Variants in CPNE6 observed in about 807,000 individuals in gnomAD.
CPNE6 encodes copine-6.
Under a neutral mutation model 71.5 loss-of-function variants are expected in CPNE6, and 33 were observed. The observed-to-expected ratio is 0.46, with a 90% confidence interval of 0.35 to 0.62. The LOEUF is 0.62. Among genes scored for constraint, CPNE6 ranks in the 20% least tolerant of loss-of-function variants. The probability of loss-of-function intolerance (pLI) is 0.00; values close to 1 mark genes in which losing one functional copy is unlikely to be tolerated. For missense variants in CPNE6, 576 were observed against 747.3 expected (o/e 0.77, Z 2.67); for synonymous variants, 296 against 293.0 (o/e 1.01, Z -0.10).
rs371553770 is a variant in CPNE6 at position 24,077,012 on chromosome 14, G to A, written c.1299G>A (p.Thr433=). 5 of 1,609,690 alleles carry A rather than the reference G, an allele frequency of 3.1e-6. No individual in the cohort carries two copies. The highest frequency in any genetic ancestry group is 2.5e-6 in the Non-Finnish European group (3 of 1,179,990). The change falls in exon 15 of 18, where the codon ACG becomes ACA. Residue 433 remains threonine, a splice_region_variant and synonymous_variant. Transcript: ENST00000397016. This position sits in a 1 kb window ranked among gnomAD's most constrained non-coding sequence, Gnocchi z 6.1. ...GGGAGCAGAGCACCGGCCAAGCCAC[G>A]GTAGGAAGACATGGCGGGCAAACAG... is the stretch of plus-strand genomic sequence containing the variant.
chr14:24,075,132 C>G lies in CPNE6; in HGVS notation c.673-40C>G. The G allele has an allele frequency of 7.0e-7, 1 of 1,434,716 alleles. No individual in the cohort carries two copies. The highest frequency in any genetic ancestry group is 9.8e-7 in the Non-Finnish European group (1 of 1,016,360). 88.9% of individuals were successfully genotyped at this position (1,434,716 alleles called of 1,614,324 possible). ...CCTACTCACCGTGAATACCGCAGAG[C>G]ATCTCCAACCTGACCCCACCCCTCC... On this transcript the variant is annotated intron_variant, in intron 8 of 17. Coordinates refer to ENST00000397016, the Ensembl canonical transcript of CPNE6. The surrounding 1 kb of genome is among the most constrained non-coding windows in gnomAD (Gnocchi z 4.3).
chr14:24,074,818 A>G lies in CPNE6; in HGVS notation c.672+23A>G. 1 of 1,601,440 alleles carries G rather than the reference A, an allele frequency of 6.2e-7. No individual in the cohort carries two copies. Among genetic ancestry groups the G allele is most frequent in the African/African-American group, 1.3e-5 (1 of 74,712 alleles). The stretch of plus-strand genomic sequence containing the variant: ...AAGGTGAAGTCCCAGCCAAGCCAGC[A>G]CAGCCTACTTAGAGCAACCAATCTG... On this transcript the variant is annotated intron_variant, in intron 8 of 17. Transcript: ENST00000397016. This position sits in a 1 kb window ranked among gnomAD's most constrained non-coding sequence, Gnocchi z 4.5.
chr14:24,075,561 C>T lies in CPNE6; in HGVS notation c.834C>T (p.Ser278=), dbSNP rs1368233390. ...GGGACAAGAAGAAGAATTACAAGAG[C>T]TCAGGGACGGTAGTGCTGGCCCAGT... The change falls in exon 10 of 18, where the codon AGC becomes AGT. Residue 278 remains serine, a synonymous_variant. Coordinates refer to ENST00000397016, the Ensembl canonical transcript of CPNE6. This position sits in a 1 kb window ranked among gnomAD's most constrained non-coding sequence, Gnocchi z 4.3. 1.2e-6 allele frequency: 2 copies of T among 1,612,494 alleles called. No homozygotes were observed. Among genetic ancestry groups the T allele is most frequent in the South Asian group, 2.2e-5 (2 of 90,666 alleles).
Position 24,075,738 on chromosome 14 carries a change from TC to T in CPNE6, c.865-84del. 2.1e-6 allele frequency: 3 copies of T among 1,408,016 alleles called. No individual in the cohort carries two copies. Among genetic ancestry groups the T allele is most frequent in the Non-Finnish European group, 3.0e-6 (3 of 1,002,506 alleles). 87.2% of individuals were successfully genotyped at this position (1,408,016 alleles called of 1,614,324 possible). On this transcript the variant is annotated intron_variant, in intron 10 of 17. Coordinates refer to ENST00000397016, the Ensembl canonical transcript of CPNE6. The surrounding 1 kb of genome is among the most constrained non-coding windows in gnomAD (Gnocchi z 4.3). ...CAACTGCAACCCAAAAAACTCTGGC[TC>T]CCCCATGTTCCCCACAGAAGCCCTA...
At position 24,075,058 on chromosome 14, in the gene CPNE6, C is replaced by A; in HGVS notation, c.673-114C>A. 1 of 827,440 alleles carries A rather than the reference C, an allele frequency of 1.2e-6. No homozygotes were observed. The highest frequency in any genetic ancestry group is 2.1e-6 in the Non-Finnish European group (1 of 479,234). The allele number at this position is 827,440 out of a possible 1,614,324, so 51.3% of individuals were successfully genotyped here. A position where few individuals can be genotyped will look rare whatever the true frequency, so the allele number is the denominator to read the frequency against. ...GGCAGGCTGAGGATGTCTGTTTGGG[C>A]ATGGAGACTCTAAGGCCCAAGTCCC... On this transcript the variant is annotated intron_variant, in intron 8 of 17. Transcript: ENST00000397016. This position sits in a 1 kb window ranked among gnomAD's most constrained non-coding sequence, Gnocchi z 4.3.
In CPNE6 at chr14:24,077,597, C is replaced by T. The variant is rs764762191; in HGVS notation, c.1541C>T (p.Ala514Val). ...ACATCACTGTCCCCACCCTAGGCTG[C>T]CCCCTCTGCACTCGCCAAGTGTGTC... is the stretch of plus-strand genomic sequence containing the variant. Residue 514 changes from alanine (A) to valine (V), a missense_variant, in exon 17 of 18, where the codon GCC becomes GTC. By Grantham distance (64) the Ala-to-Val change is moderately conservative. Around this residue, in one of 4 missense-constraint regions of CPNE6, gnomAD observed 264 missense variants for 339.9 expected, o/e 0.78. Coordinates refer to ENST00000397016, the Ensembl canonical transcript of CPNE6. The surrounding 1 kb of genome is among the most constrained non-coding windows in gnomAD (Gnocchi z 6.1). 14 of 1,580,124 alleles carry T rather than the reference C, an allele frequency of 8.9e-6. No homozygotes were observed. Among genetic ancestry groups the T allele is most frequent in the African/African-American group, 2.7e-5 (2 of 74,286 alleles).
chr14:24,073,524 C>A lies in CPNE6; in HGVS notation c.194C>A (p.Ser65Tyr). Residue 65 changes from serine (S) to tyrosine (Y), a missense_variant, in exon 4 of 18, where the codon TCC becomes TAC. Around this residue, in one of 4 missense-constraint regions of CPNE6, gnomAD observed 214 missense variants for 291.2 expected, o/e 0.73. Coordinates refer to ENST00000397016, the Ensembl canonical transcript of CPNE6. The surrounding 1 kb of genome is among the most constrained non-coding windows in gnomAD (Gnocchi z 5.5). ...GTAGAGCGCACAGAGGTGCTTCGCT[C>A]CTGTTCCAGCCCTGTCTTCTCCCGG... 6.2e-7 allele frequency: 1 copy of A among 1,613,800 alleles called. No individual in the cohort carries two copies. Among genetic ancestry groups the A allele is most frequent in the Non-Finnish European group, 8.5e-7 (1 of 1,179,996 alleles).
intron 2 of CPNE6, chr14:24,071,845 C>T: frequency 1.8e-6 from 1 of 545,514 alleles, no homozygotes; most frequent in Non-Finnish European, 3.2e-6. Context: ...CAGCCCAGAC[C>T]CTCCCTCACA....
exon 1 of CPNE6, chr14:24,071,000 C>T (rs746540844): frequency 1.1e-5 from 17 of 1,535,442 alleles, no homozygotes; most frequent in African/African-American, 2.7e-5. Context: ...TTAAGGAGCA[C>T]GGGAAGATCA....
rs867990196 is a variant in CPNE6 at position 24,071,483 on chromosome 14, G to C, written c.-119-44G>C. On this transcript the variant is annotated intron_variant, in intron 1 of 17. Transcript: ENST00000397016. ...CTTCTCCCTCCCAATCCATCCACGC[G>C]GGGGGAGCTGGTGCTGCGCCCCCCC... is the stretch of plus-strand genomic sequence containing the variant. The C allele has an allele frequency of 1.6e-5, 24 of 1,524,920 alleles. No individual in the cohort carries two copies. In the East Asian group the frequency reaches 4.4e-4, roughly 28 times the overall value. 94.5% of individuals were successfully genotyped at this position (1,524,920 alleles called of 1,614,324 possible). A position where few individuals can be genotyped will look rare whatever the true frequency, so the allele number is the denominator to read the frequency against.
chr14:24,077,867 G>GC lies in CPNE6; in HGVS notation c.*38-21_*38-20insC. 8 of 953,014 alleles carry GC rather than the reference G, an allele frequency of 8.4e-6. No individual in the cohort carries two copies. The highest frequency in any genetic ancestry group is 1.7e-5 in the African/African-American group (1 of 60,274). 59.0% of individuals were successfully genotyped at this position (953,014 alleles called of 1,614,324 possible). A position where few individuals can be genotyped will look rare whatever the true frequency, so the allele number is the denominator to read the frequency against. ...GTGTAGTGTAGAAGAGAGTGCTTATGACTCTCCCACCCCCTCCCAGGTGCC... is the reference window on the plus strand; with the variant it reads ...GTGTAGTGTAGAAGAGAGTGCTTATGCACTCTCCCACCCCCTCCCAGGTGCC... On this transcript the variant is annotated intron_variant, in intron 17 of 17. Transcript: ENST00000397016. This position sits in a 1 kb window ranked among gnomAD's most constrained non-coding sequence, Gnocchi z 6.1.
rs2035973613 is a variant in CPNE6 at position 24,073,715 on chromosome 14, C to T, written c.348+37C>T. On this transcript the variant is annotated intron_variant, in intron 4 of 17. Transcript: ENST00000397016. The surrounding 1 kb of genome is among the most constrained non-coding windows in gnomAD (Gnocchi z 5.5). ...CGGCCTCCCCGGCTACCCTACCCTA[C>T]CTCCATCAGCTTTGCCTCTGGAAGC... 3.2e-6 allele frequency: 5 copies of T among 1,580,658 alleles called. No individual in the cohort carries two copies. The highest frequency in any genetic ancestry group is 4.3e-6 in the Non-Finnish European group (5 of 1,163,818).
rs142045827 is a variant in CPNE6 at position 24,071,246 on chromosome 14, G to A, written c.-120+218G>A. On this transcript the variant is annotated intron_variant, in intron 1 of 17. Coordinates refer to ENST00000397016, the Ensembl canonical transcript of CPNE6. ...AGATATGTGTGAGCCTGTGAGTCGT[G>A]GGTGCATGTGTCGCCATCATTTCTC... is the stretch of plus-strand genomic sequence containing the variant. 499 of 1,099,736 alleles carry A rather than the reference G, an allele frequency of 4.5e-4. 1 individual carries two copies. The African/African-American group carries it at 6.6e-3, about 15-fold the overall frequency. The allele number at this position is 1,099,736 out of a possible 1,614,324, so 68.1% of individuals were successfully genotyped here.
intron 14 of CPNE6, 119 bp from the exon 14 acceptor site, chr14:24,076,760 A>C: frequency 1.3e-6 from 2 of 1,533,358 alleles, no homozygotes; most frequent in Non-Finnish European, 1.8e-6. Context: ...CCCACTGCTT[A>C]ATGAAGGAAC....
At chr14:24,071,488 G>A (rs1266607013) in intron 1 of CPNE6, 74 bp from the exon 1 acceptor site, 3 of 1,529,316 alleles carry the variant, frequency 2.0e-6, no homozygotes, top group Non-Finnish European at 2.6e-6. Context: ...CACGCGGGGG[G>A]AGCTGGTGCT....
In CPNE6 at chr14:24,077,306, C is replaced by T. The variant is rs200457089; in HGVS notation, c.1452C>T (p.Gly484=). 71 of 1,613,868 alleles carry T rather than the reference C, an allele frequency of 4.4e-5. No individual in the cohort carries two copies. Among genetic ancestry groups the T allele is most frequent in the Middle Eastern group, 1.6e-4 (1 of 6,062 alleles). Residue 484 remains glycine (G), a synonymous_variant, in exon 16 of 18, where the codon GGC becomes GGT. Transcript: ENST00000397016. This position sits in a 1 kb window ranked among gnomAD's most constrained non-coding sequence, Gnocchi z 6.1. ...TCTCTGACATGCGGCTGCTGGATGG[C>T]GACGACGGCCCCTTGCGCTGCCCCC...
In CPNE6 at chr14:24,074,472, TC is replaced by T; in HGVS notation, c.499-54del. ...CTGCTCTCTTCCCAGTGGGAGCCCA[TC>T]CCCCACCCTCCTTGCAGCTCTCACC... On this transcript the variant is annotated intron_variant, in intron 6 of 17. Transcript: ENST00000397016. This position sits in a 1 kb window ranked among gnomAD's most constrained non-coding sequence, Gnocchi z 4.5. The T allele has an allele frequency of 1.3e-6, 2 of 1,579,140 alleles. No homozygotes were observed. Among genetic ancestry groups the T allele is most frequent in the South Asian group, 2.2e-5 (2 of 90,020 alleles).
In CPNE6 at chr14:24,073,845, C is replaced by T. The variant is rs1446392763; in HGVS notation, c.348+167C>T. Among the ~76,000 whole-genome samples the T allele has an allele frequency of 6.6e-6, 1 of 152,232 alleles. No homozygotes were observed. The highest frequency in any genetic ancestry group is 1.5e-5 in the Non-Finnish European group (1 of 68,040). ...GCCTCAGGAAAGATACTTAACCTCT[C>T]TGAGTCTTAGTTTTCCTATCTAAAA... On this transcript the variant is annotated intron_variant, in intron 4 of 17. Coordinates refer to ENST00000397016, the Ensembl canonical transcript of CPNE6. This position sits in a 1 kb window ranked among gnomAD's most constrained non-coding sequence, Gnocchi z 5.5.
chr14:24,072,847 T>C, intron 2 of CPNE6, 86 bp from the exon 2 acceptor site: 1 of 1,249,660 alleles, frequency 8.0e-7, no homozygotes, highest in Non-Finnish European at 1.0e-6. Context: ...GGTTAAGGGG[T>C]GGGGCCCAGG....
Sources: allele counts gnomAD v4.1 joint callset (sites outside exome capture counted in the v4.1 genomes callset), GRCh38; gene constraint gnomAD v4.1.1; regional missense constraint gnomAD v4.1.1; non-coding constraint Gnocchi (gnomAD v3.1); transcripts MANE v1.5; gene names NCBI Gene and HGNC (gene_info 2026-07-23, HGNC 2026-07-21).